Variants in TMEM143 observed in about 807,000 individuals in gnomAD.
TMEM143 encodes transmembrane protein 143.
Under a neutral mutation model 40.3 loss-of-function variants are expected in TMEM143, and 45 were observed. That is an observed-to-expected ratio of 1.12 (90% CI 0.88 to 1.43). TMEM143 has a LOEUF of 1.43. Ranked by LOEUF, TMEM143 falls within the 40% of genes most tolerant of loss-of-function variation. TMEM143 has a pLI of 0.00. For missense variants in TMEM143, 620 were observed against 613.4 expected, an observed-to-expected ratio of 1.01 and a Z score of -0.11; for synonymous variants, 299 against 282.7, an observed-to-expected ratio of 1.06 and a Z score of -0.58.
chr19:48,347,943 C>T (rs1464421664), intron 3 of TMEM143, among the ~76,000 whole-genome samples: 8 of 149,040 alleles, frequency 5.4e-5, no homozygotes, highest in Non-Finnish European at 1.2e-4. Context: ...ATAACTTGAG[C>T]CCAGGAGGTT....
At chr19:48,359,513 T>G (rs1020009102) in intron 3 of TMEM143, among the ~76,000 whole-genome samples, 5 of 82,334 alleles carry the variant, frequency 6.1e-5, no homozygotes, top group African/African-American at 1.3e-4. Context: ...CTCTTTGTTT[T>G]TTTTTTTTTT....
chr19:48,338,126 AG>A (rs1969412149), intron 6 of TMEM143, among the ~76,000 whole-genome samples: 1 of 152,100 alleles, frequency 6.6e-6, no homozygotes, highest in Non-Finnish European at 1.5e-5. Context: ...GTCACAGGCC[AG>A]GCCCCTGGCA....
Position 48,363,356 on chromosome 19 carries a change from C to T in TMEM143, c.199G>A (p.Ala67Thr). ...MWNPREPRDW[A>T]QQYRERFIPF... ...ATGAAGCGCTCGCGGTACTGCTGGG[C>T]CCAGTCGCGGGGCTCCCTGGGGTTC... The change falls in exon 2 of 8, where the codon GCC (alanine) becomes ACC (threonine). Residue 67 changes from alanine (A) to threonine (T), a missense_variant. Transcript: ENST00000293261. 1 of 1,614,226 alleles carries T rather than the reference C, an allele frequency of 6.2e-7. No individual in the cohort carries two copies. The highest frequency in any genetic ancestry group is 1.1e-5 in the South Asian group (1 of 91,092).
chr19:48,343,669 A>G (rs975832371), intron 4 of TMEM143, among the ~76,000 whole-genome samples: 4 of 152,174 alleles, frequency 2.6e-5, no homozygotes, highest in Non-Finnish European at 5.9e-5. Flanking sequence ...AGTCATCTTT[A>G]CCATATTTCC....
chr19:48,351,655 T>A (rs951784287), intron 3 of TMEM143, among the ~76,000 whole-genome samples: 15 of 152,046 alleles, frequency 9.9e-5, no homozygotes, highest in Admixed American at 8.5e-4. Context: ...CTCCTGGCTG[T>A]TCCTCCACAC....
rs879586059 is a variant in TMEM143 at position 48,345,442 on chromosome 19, T to TTTA, written c.370-89_370-88insTAA. The TTTA allele has an allele frequency of 2.0e-5, 12 of 587,106 alleles. No individual in the cohort carries two copies. The Middle Eastern group carries it at 3.5e-3, about 170-fold the overall frequency. The allele number at this position is 587,106 out of a possible 1,614,324, so 36.4% of individuals were successfully genotyped here. ...TCTAAGGACATCCCTCTCCAGATAC[T>TTTA]TTCATTTATTTATTTATTTATTTAT... On this transcript the variant is annotated intron_variant, in intron 3 of 7. Coordinates refer to ENST00000293261, the MANE Select transcript of TMEM143 (RefSeq NM_018273.4).
chr19:48,332,963 G>T lies in TMEM143; in HGVS notation c.*256C>A. ...ACCACACTTGGATGTTTATGGTGAG[G>T]GTGGGACTAAGAAATGGAACAGAAG... is the stretch of plus-strand genomic sequence containing the variant. On this transcript the variant is annotated 3_prime_UTR_variant, in exon 8 of 8. Transcript: ENST00000293261. 1 of 338,526 alleles carries T rather than the reference G, an allele frequency of 3.0e-6. No individual in the cohort carries two copies. The highest frequency in any genetic ancestry group is 5.4e-6 in the Non-Finnish European group (1 of 186,498). The allele number at this position is 338,526 out of a possible 1,614,324, so 21.0% of individuals were successfully genotyped here.
chr19:48,360,496 T>C (rs1970015280), intron 2 of TMEM143: 1 of 291,684 alleles, frequency 3.4e-6, no homozygotes, highest in African/African-American at 2.3e-5. Flanking sequence ...GAGAATTGCT[T>C]GAACCAGGGA....
intron 3 of TMEM143, among the ~76,000 whole-genome samples, chr19:48,345,772 G>A (rs541415249): frequency 6.8e-6 from 1 of 146,428 alleles, no homozygotes; most frequent in Non-Finnish European, 1.5e-5. Flanking sequence ...TGCCCGGCCT[G>A]TGTTTTTTTG....
chr19:48,342,976 G>A, intron 5 of TMEM143, 167 bp from the exon 6 acceptor site: 2 of 869,172 alleles, frequency 2.3e-6, no homozygotes, highest in Non-Finnish European at 3.4e-6. Context: ...AACCACAGGG[G>A]ATCGGTTCAA....
intron 2 of TMEM143, among the ~76,000 whole-genome samples, chr19:48,363,030 G>A (rs894993678): frequency 2.6e-5 from 4 of 152,220 alleles, no homozygotes; most frequent in Non-Finnish European, 4.4e-5. Flanking sequence ...ATCTTAAAGA[G>A]GGAAAAACCA....
intron 3 of TMEM143, among the ~76,000 whole-genome samples, chr19:48,359,296 C>A (rs1969978327): frequency 6.6e-6 from 1 of 152,066 alleles, no homozygotes; most frequent in Non-Finnish European, 1.5e-5. Flanking sequence ...CACTCTCCTG[C>A]AGCCACAGTG....
chr19:48,338,995 G>A (rs561290296), intron 6 of TMEM143, among the ~76,000 whole-genome samples: 18 of 152,294 alleles, frequency 1.2e-4, no homozygotes, highest in East Asian at 7.7e-4. Flanking sequence ...GGGTGGGGGC[G>A]CCGCAAGCAT....
chr19:48,344,171 G>A (rs1054512786), intron 4 of TMEM143, among the ~76,000 whole-genome samples: 1 of 152,024 alleles, frequency 6.6e-6, no homozygotes, highest in Non-Finnish European at 1.5e-5. Flanking sequence ...ATAGGTGTGA[G>A]CCACTGCACC....
chr19:48,352,984 T>C (rs1389100480), intron 3 of TMEM143, among the ~76,000 whole-genome samples: 1 of 152,052 alleles, frequency 6.6e-6, no homozygotes. Flanking sequence ...AAACATTATG[T>C]AAATAGTTGT....
intron 6 of TMEM143, among the ~76,000 whole-genome samples, chr19:48,340,071 G>T (rs1969455611): frequency 6.6e-6 from 1 of 151,398 alleles, no homozygotes; most frequent in African/African-American, 2.4e-5. Context: ...CAAGGCGTGG[G>T]GAAATACCTC....
chr19:48,335,947 G>C (rs1324760553), intron 6 of TMEM143, among the ~76,000 whole-genome samples: 4 of 151,958 alleles, frequency 2.6e-5, no homozygotes, highest in South Asian at 2.1e-4. Flanking sequence ...AAGGATGTTG[G>C]GGGGAAGAAC....
At position 48,345,304 on chromosome 19, in the gene TMEM143, T is replaced by G. The variant is rs776876567; in HGVS notation, c.420A>C (p.Ser140=). 1.2e-6 allele frequency: 2 copies of G among 1,601,878 alleles called. No homozygotes were observed. The highest frequency in any genetic ancestry group is 3.4e-5 in the Admixed American group (2 of 58,032). The part of the protein sequence containing the change: ...NPDRETLDQP[S]LTDPQRLSNE... ...TAGACAGACGCTGGGGATCCGTTAGTGATGGCTGATCGAGGGTCTCCCTGT... is the reference window on the plus strand; with the variant it reads ...TAGACAGACGCTGGGGATCCGTTAGGGATGGCTGATCGAGGGTCTCCCTGT... The change falls in exon 4 of 8, where the codon TCA becomes TCC. Residue 140 remains serine (S), a synonymous_variant. Coordinates refer to ENST00000293261, the MANE Select transcript of TMEM143 (RefSeq NM_018273.4).
At chr19:48,355,944 A>G (rs1034424275) in intron 3 of TMEM143, among the ~76,000 whole-genome samples, 3 of 152,154 alleles carry the variant, frequency 2.0e-5, no homozygotes, top group South Asian at 4.2e-4. Context: ...ACCCCCAGTA[A>G]AAACCCTGGC....
Sources: allele counts gnomAD v4.1 joint callset (sites outside exome capture counted in the v4.1 genomes callset), GRCh38; gene constraint gnomAD v4.1.1; transcripts MANE v1.5; gene names NCBI Gene and HGNC (gene_info 2026-07-23, HGNC 2026-07-21).